The following BUD31 variants were observed in gnomAD, a reference collection of about 807,000 sequenced individuals.
BUD31 encodes the protein BUD31 spliceosome associated protein.
Under a neutral mutation model 17.9 loss-of-function variants are expected in BUD31, and 9 were observed. The observed-to-expected ratio is 0.50, with a 90% confidence interval of 0.30 to 0.88. The LOEUF (loss-of-function observed/expected upper bound fraction) is 0.88, where lower values mean the gene tolerates loss of function less well. BUD31 is among the 40% of genes least tolerant of loss of function. BUD31 has a pLI of 0.06. For missense variants in BUD31, 148 were observed against 184.5 expected (o/e 0.80, Z 1.15); for synonymous variants, 70 against 64.7 (o/e 1.08, Z -0.39).
chr7:99,410,948 T>A, intron 2 of BUD31, 116 bp from the exon 3 acceptor site: 1 of 653,912 alleles, frequency 1.5e-6, no homozygotes, highest in Non-Finnish European at 2.7e-6. Context: ...TGCTGAGCCC[T>A]GTCCCATAGC....
chr7:99,415,451 C>G (rs951281708), intron 3 of BUD31, among the ~76,000 whole-genome samples: 3 of 152,156 alleles, frequency 2.0e-5, no homozygotes, highest in African/African-American at 7.2e-5. Flanking sequence ...TGAAGGCGGA[C>G]TAGGAGCGTG....
At position 99,416,200 on chromosome 7, in the gene BUD31, C is replaced by T; in HGVS notation, c.157C>T (p.His53Tyr). Residue 53 changes from histidine (H) to tyrosine (Y), a missense_variant, in exon 4 of 6, where the codon CAC becomes TAC. Physicochemically the swap from His to Tyr is moderately conservative, Grantham distance 83. Transcript: ENST00000222969. ...VESLWPIFRI[H>Y]HQKTRYIFDL... is the part of the protein sequence containing the mutation. The stretch of plus-strand genomic sequence containing the variant: ...ATCTCTGTGGCCCATCTTCAGGATC[C>T]ACCACCAGAAAACCCGCTACATCTT... 6.2e-7 allele frequency: 1 copy of T among 1,614,020 alleles called. No individual in the cohort carries two copies. Among genetic ancestry groups the T allele is most frequent in the Non-Finnish European group, 8.5e-7 (1 of 1,179,942 alleles).
intron 3 of BUD31, among the ~76,000 whole-genome samples, chr7:99,413,762 T>C (rs1795276573): frequency 6.6e-6 from 1 of 152,170 alleles, no homozygotes; most frequent in Non-Finnish European, 1.5e-5. Context: ...CAGATAATTT[T>C]TGTATTTTCA....
intron 3 of BUD31, among the ~76,000 whole-genome samples, chr7:99,415,613 AAGTAGC>A (rs751496145): frequency 1.2e-3 from 179 of 152,182 alleles, no homozygotes; most frequent in Non-Finnish European, 4.6e-4. Context: ...CCGGTCTGCT[AAGTAGC>A]GGGTGTTTTT....
intron 3 of BUD31, chr7:99,411,866 C>T (rs1795202716): frequency 2.8e-6 from 1 of 354,286 alleles, no homozygotes; most frequent in Non-Finnish European, 5.6e-6. Context: ...GCCACCATGC[C>T]CGGCTAATTT....
chr7:99,409,951 G>A (rs890708331), intron 1 of BUD31, 83 bp from the exon 2 acceptor site: 14 of 152,158 alleles, frequency 9.2e-5, no homozygotes, highest in African/African-American at 3.4e-4. Flanking sequence ...CTCTTGTATG[G>A]GAACTACCTG....
chr7:99,411,258 G>C, intron 3 of BUD31, 72 bp downstream of exon 3: 1 of 1,130,748 alleles, frequency 8.8e-7, no homozygotes, highest in South Asian at 1.3e-5. Context: ...CAGGGGACAG[G>C]CATAAATGCA....
chr7:99,418,725 G>C (rs1333403878), intron 5 of BUD31: 2 of 152,562 alleles, frequency 1.3e-5, no homozygotes, highest in African/African-American at 2.4e-5. Context: ...CCAGGTCAGG[G>C]GCTGGTGGGC....
At chr7:99,417,689 A>G in intron 5 of BUD31, 94 bp downstream of exon 5, 1 of 1,560,010 alleles carries the variant, frequency 6.4e-7, no homozygotes. Flanking sequence ...TTGGGCTGGA[A>G]TGTCGTTTTG....
intron 3 of BUD31, 116 bp downstream of exon 3, chr7:99,411,302 A>G (rs1191983821): frequency 4.2e-6 from 3 of 717,968 alleles, no homozygotes; most frequent in Non-Finnish European, 7.0e-6. Context: ...TAACACTGAC[A>G]TGTTGTGTTT....
Position 99,417,518 on chromosome 7 carries a change from C to T in BUD31, c.307C>T (p.Leu103=). 6.2e-7 allele frequency: 1 copy of T among 1,611,770 alleles called. No homozygotes were observed. Among genetic ancestry groups the T allele is most frequent in the South Asian group, 1.1e-5 (1 of 90,948 alleles). Residue 103 remains leucine (L), a synonymous_variant, in exon 5 of 6, where the codon CTG becomes TTG. Transcript: ENST00000222969. The part of the protein sequence containing the change: ...KKQGYENLCC[L]RCIQTRDTNF... ...GCAAGGATATGAGAACTTGTGCTGC[C>T]TGCGGTGCATTCAGACACGGGACAC...
intron 3 of BUD31, among the ~76,000 whole-genome samples, 188 bp from the exon 4 acceptor site, chr7:99,415,946 TTTTA>T (rs1157106162): frequency 6.8e-5 from 9 of 132,384 alleles, no homozygotes; most frequent in South Asian, 6.7e-4. Flanking sequence ...ACTATTCTTA[TTTTA>T]TTTATTTTAT....
intron 3 of BUD31, chr7:99,411,684 G>A (rs1489207779): frequency 4.4e-6 from 2 of 455,926 alleles, no homozygotes; most frequent in East Asian, 6.9e-5. Context: ...TGATCACAGT[G>A]TGGCCACTTA....
intron 3 of BUD31, among the ~76,000 whole-genome samples, chr7:99,413,145 T>A (rs1364130100): frequency 1.3e-5 from 2 of 152,020 alleles, no homozygotes; most frequent in Non-Finnish European, 2.9e-5. Context: ...TCTGCTTGGA[T>A]CACAGCATTC....
intron 3 of BUD31, among the ~76,000 whole-genome samples, chr7:99,414,903 T>C (rs1795330326): frequency 6.6e-6 from 1 of 152,178 alleles, no homozygotes; most frequent in African/African-American, 2.4e-5. Flanking sequence ...CGGCCAGCCC[T>C]GTTTAACTTC....
intron 3 of BUD31, among the ~76,000 whole-genome samples, chr7:99,415,648 T>G (rs112932608): frequency 0.067 from 10,173 of 150,718 alleles, 1,008 homozygotes; most frequent in African/African-American, 0.22. Context: ...CTAACGCTAC[T>G]GCTAGACCAA....
At chr7:99,416,372 G>A (rs556601775) in intron 4 of BUD31, 112 bp downstream of exon 4, 11 of 1,387,502 alleles carry the variant, frequency 7.9e-6, no homozygotes, top group African/African-American at 4.3e-5. Context: ...TTCTTACCAC[G>A]AAAATTAGGG....
In BUD31 at chr7:99,418,014, C is replaced by G. The variant is rs374972667; in HGVS notation, c.384+419C>G. The G allele has an allele frequency of 6.2e-5, 72 of 1,158,582 alleles. 2 individuals carry two copies. The African/African-American group carries it at 8.0e-4, about 13-fold the overall frequency. 71.8% of individuals were successfully genotyped at this position (1,158,582 alleles called of 1,614,324 possible). A position where few individuals can be genotyped will look rare whatever the true frequency, so the allele number is the denominator to read the frequency against. ...ACGGAGTCTTGCTTTGTCGCCCAGG[C>G]TGGAGTGCAGTGATGCCATCTTGGC... On this transcript the variant is annotated intron_variant, in intron 5 of 5. Coordinates refer to ENST00000222969, the MANE Select transcript of BUD31 (RefSeq NM_003910.4).
chr7:99,419,522 G>A lies in BUD31; in HGVS notation c.*81G>A, dbSNP rs994336675. 4.6e-6 allele frequency: 7 copies of A among 1,537,906 alleles called. No homozygotes were observed. Among genetic ancestry groups the A allele is most frequent in the Non-Finnish European group, 5.4e-6 (6 of 1,121,016 alleles). ...ACCCCCTTCCTGGGAGCAGCGAGCAGTGCCCCAGGCCCGAGTTGGAGCACG... is the reference window on the plus strand; with the variant it reads ...ACCCCCTTCCTGGGAGCAGCGAGCAATGCCCCAGGCCCGAGTTGGAGCACG... On this transcript the variant is annotated 3_prime_UTR_variant, in exon 6 of 6. Transcript: ENST00000222969.
Sources: gnomAD v4.1 joint callset for allele counts (sites outside exome capture counted in the v4.1 genomes callset) on GRCh38, gnomAD v4.1.1 for gene constraint, MANE v1.5 for transcripts, NCBI Gene and HGNC (gene_info 2026-07-23, HGNC 2026-07-21) for gene names.